TENM4: variants seen among roughly 807,000 people sequenced by gnomAD.
The protein encoded by TENM4 is teneurin transmembrane protein 4, also known as teneurin-4.
TENM4 carries 82 observed loss-of-function variants against 243.3 expected under a neutral mutation model. The ratio of observed to expected loss-of-function variants is 0.34; its 90% CI spans 0.28 to 0.40. The LOEUF (loss-of-function observed/expected upper bound fraction) is 0.40. Ranked by LOEUF, TENM4 falls within the 10% of genes least tolerant of loss-of-function variation. The pLI is 1.00. For synonymous variants in TENM4, 1,412 were observed against 1,456.3 expected (o/e 0.97, Z 0.69); for missense variants, 3,138 against 3,673.3 (o/e 0.85, Z 3.77).
chr11:79,265,268 T>C (rs112729873), intron 2 of TENM4, among the ~76,000 whole-genome samples: 48 of 152,248 alleles, frequency 3.2e-4, no homozygotes, highest in African/African-American at 1.0e-3. Flanking sequence ...GGTGAGTGGG[T>C]GGGTCTCGGA....
chr11:78,879,989 C>T (rs1037766634), intron 9 of TENM4, among the ~76,000 whole-genome samples: 15 of 152,078 alleles, frequency 9.9e-5, no homozygotes, highest in South Asian at 4.2e-4. Context: ...GCCATGATGA[C>T]GATGGCGGTT....
At chr11:79,382,064 A>G (rs542044) in intron 1 of TENM4, among the ~76,000 whole-genome samples, 63,710 of 152,114 alleles carry the variant, frequency 0.42, 13,374 homozygotes, top group Non-Finnish European at 0.45. Context: ...TGCATAAATT[A>G]TCTCAACTTA....
At chr11:79,094,607 C>T in intron 4 of TENM4, among the ~76,000 whole-genome samples, 1 of 152,104 alleles carries the variant, frequency 6.6e-6, no homozygotes, top group East Asian at 1.9e-4. Context: ...CCACACAGGC[C>T]CAGAGAGAGG....
At chr11:79,154,124 C>T (rs1431410923) in intron 3 of TENM4, among the ~76,000 whole-genome samples, 2 of 143,388 alleles carry the variant, frequency 1.4e-5, no homozygotes. Context: ...TAAAGGAATA[C>T]CTGATGTTGG....
intron 6 of TENM4, among the ~76,000 whole-genome samples, chr11:79,023,674 A>G (rs972181810): frequency 2.0e-5 from 3 of 152,218 alleles, no homozygotes; most frequent in East Asian, 1.9e-4. Flanking sequence ...CTGTTAATTA[A>G]TGTGGCAGTA....
chr11:79,195,065 A>G (rs1459708376), intron 3 of TENM4, among the ~76,000 whole-genome samples: 2 of 152,226 alleles, frequency 1.3e-5, no homozygotes, highest in African/African-American at 4.8e-5. Context: ...GTGGCTTCAC[A>G]GGCTGGAAGC....
At chr11:79,157,273 A>G (rs1278655061) in intron 3 of TENM4, among the ~76,000 whole-genome samples, 1 of 152,178 alleles carries the variant, frequency 6.6e-6, no homozygotes, top group South Asian at 2.1e-4. Flanking sequence ...CTGGACACCC[A>G]GAGATCCAAT....
At chr11:78,748,984 C>T (rs931217707) in intron 19 of TENM4, among the ~76,000 whole-genome samples, 3 of 152,178 alleles carry the variant, frequency 2.0e-5, no homozygotes, top group East Asian at 1.9e-4. Context: ...TGAATCCAGG[C>T]TCTCTCCCTC....
intron 1 of TENM4, among the ~76,000 whole-genome samples, chr11:79,338,473 C>T (rs1272380535): frequency 6.6e-6 from 1 of 152,242 alleles, no homozygotes; most frequent in Admixed American, 6.5e-5. Context: ...CTCCTCAGCA[C>T]CTCCAAGTGA....
chr11:79,124,649 G>A (rs1313474858), intron 4 of TENM4, among the ~76,000 whole-genome samples: 10 of 131,482 alleles, frequency 7.6e-5, no homozygotes, highest in Non-Finnish European at 1.1e-4. Flanking sequence ...ATATATATGT[G>A]TGTGTGTGTG....
chr11:78,833,316 A>T (rs1212415084), intron 12 of TENM4, among the ~76,000 whole-genome samples: 1 of 152,152 alleles, frequency 6.6e-6, no homozygotes, highest in East Asian at 1.9e-4. Context: ...TTATACAGCA[A>T]TTTTTGATTG....
intron 1 of TENM4, among the ~76,000 whole-genome samples, chr11:79,375,137 T>C (rs555739354): frequency 3.2e-4 from 49 of 152,326 alleles, no homozygotes; most frequent in African/African-American, 1.1e-3. Context: ...ACAAGTTGAT[T>C]GGTTAAATCA....
chr11:79,103,164 C>A (rs1482252879), intron 4 of TENM4, among the ~76,000 whole-genome samples: 1 of 152,128 alleles, frequency 6.6e-6, no homozygotes, highest in African/African-American at 2.4e-5. Flanking sequence ...TGCCTGGTAA[C>A]CTCTTCAGGA....
intron 26 of TENM4, 117 bp from the exon 27 acceptor site, chr11:78,708,632 C>G (rs1225813350): frequency 8.4e-7 from 1 of 1,194,542 alleles, no homozygotes; most frequent in Non-Finnish European, 1.2e-6. Flanking sequence ...TTTGAGCCTC[C>G]CACAACCTTC....
chr11:79,082,635 C>A (rs1459535531), intron 4 of TENM4, among the ~76,000 whole-genome samples: 4 of 152,178 alleles, frequency 2.6e-5, no homozygotes, highest in Non-Finnish European at 4.4e-5. Context: ...CCATCTAGGG[C>A]TCCAAGTTCT....
chr11:79,258,782 AAGTG>A (rs1439610032), intron 2 of TENM4, among the ~76,000 whole-genome samples: 2 of 152,140 alleles, frequency 1.3e-5, no homozygotes, highest in Non-Finnish European at 2.9e-5. Context: ...CTTTTTAAGC[AAGTG>A]CTCCCCCACC....
chr11:78,871,120 G>A (rs375281393), intron 9 of TENM4, among the ~76,000 whole-genome samples: 1 of 152,136 alleles, frequency 6.6e-6, no homozygotes, highest in East Asian at 1.9e-4. Flanking sequence ...GAAGAGCAGT[G>A]GCTGTGAGCA....
intron 2 of TENM4, among the ~76,000 whole-genome samples, chr11:79,276,634 C>T (rs767112778): frequency 4.7e-4 from 72 of 152,154 alleles, no homozygotes; most frequent in Non-Finnish European, 9.7e-4. Flanking sequence ...CTTTGGATCC[C>T]ATCTTGGAGT....
intron 2 of TENM4, among the ~76,000 whole-genome samples, chr11:79,260,198 T>C (rs954617894): frequency 1.3e-5 from 2 of 152,192 alleles, no homozygotes; most frequent in African/African-American, 4.8e-5. Flanking sequence ...TTTCAATCAT[T>C]ACTTAACATC....
Sources: gnomAD v4.1 joint callset for allele counts (sites outside exome capture counted in the v4.1 genomes callset) on GRCh38, gnomAD v4.1.1 for gene constraint, MANE v1.5 for transcripts, NCBI Gene and HGNC (gene_info 2026-07-23, HGNC 2026-07-21) for gene names.